PRTFDC1: variants seen among roughly 807,000 people sequenced by gnomAD.
PRTFDC1 encodes the protein phosphoribosyltransferase domain-containing protein 1.
In PRTFDC1, 38 loss-of-function variants were observed where a neutral mutation model predicts 34.6. The observed-to-expected ratio is 1.10, with a 90% confidence interval of 0.85 to 1.44. The LOEUF (loss-of-function observed/expected upper bound fraction) is 1.44, where lower values mean the gene tolerates loss of function less well. PRTFDC1 is among the 40% of genes most tolerant of loss of function. PRTFDC1 has a pLI of 0.00. For synonymous variants in PRTFDC1, 93 were observed against 98.1 expected (o/e 0.95, Z 0.31); for missense variants, 270 against 283.0 (o/e 0.95, Z 0.33).
rs116856216 is a variant in PRTFDC1, at chr10:24,858,428, A to T, written c.406-19T>A. 5,807 of 1,612,566 alleles carry T rather than the reference A, an allele frequency of 3.6e-3. 16 individuals are homozygous for T. The highest frequency in any genetic ancestry group is 4.7e-3 in the Non-Finnish European group (5,580 of 1,178,856). ...GAACATTCTGAAATAAACAAAACCC[A>T]TATTTTAGAATGTGATGCCAATCTG... is the stretch of plus-strand genomic sequence containing the variant. On this transcript the variant is annotated intron_variant, in intron 4 of 8. Transcript: ENST00000320152.
chr10:24,923,481 TGCAGCCTCC>T (rs1848821937), intron 3 of PRTFDC1, among the ~76,000 whole-genome samples: 1 of 152,344 alleles, frequency 6.6e-6, no homozygotes, highest in East Asian at 1.9e-4. Context: ...TTTGCTGTTC[TGCAGCCTCC>T]GCTGGTGATA....
intron 3 of PRTFDC1, among the ~76,000 whole-genome samples, chr10:24,932,301 T>C (rs994375978): frequency 6.6e-6 from 1 of 151,980 alleles, no homozygotes; most frequent in Admixed American, 6.5e-5. Flanking sequence ...AGGTCCTAAC[T>C]GGCATGATCA....
At chr10:24,857,565 C>T (rs1323763793) in intron 5 of PRTFDC1, among the ~76,000 whole-genome samples, 1 of 152,138 alleles carries the variant, frequency 6.6e-6, no homozygotes, top group Non-Finnish European at 1.5e-5. Flanking sequence ...GGAGAATGGG[C>T]AGCGGCGATT....
At position 24,918,802 on chromosome 10, in the gene PRTFDC1, A is replaced by T. The variant is rs1028815; in HGVS notation, c.339+18382T>A. 6.5e-4 allele frequency among the ~76,000 whole-genome samples: 99 copies of T among 152,294 alleles called. No individual in the cohort carries two copies. In the East Asian group the frequency reaches 0.018, roughly 28 times the overall value. ...AGGGACCTTACAGATCTTGAAATCC[A>T]ACCTCATCATTTTACAAATGAACAA... On this transcript the variant is annotated intron_variant, in intron 3 of 8. Coordinates refer to ENST00000320152, the MANE Select transcript of PRTFDC1 (RefSeq NM_020200.7).
intron 4 of PRTFDC1, among the ~76,000 whole-genome samples, chr10:24,863,662 C>A (rs1847723353): frequency 6.6e-6 from 1 of 152,096 alleles, no homozygotes; most frequent in African/African-American, 2.4e-5. Flanking sequence ...TGAAGATCCA[C>A]CATTCTAGAT....
At chr10:24,872,180 T>G in intron 3 of PRTFDC1, 117 bp from the exon 4 acceptor site, 1 of 821,968 alleles carries the variant, frequency 1.2e-6, no homozygotes, top group Non-Finnish European at 2.0e-6. Flanking sequence ...ATAGCACAAA[T>G]AGCTAATAGG....
chr10:24,884,975 G>T (rs933866116), intron 3 of PRTFDC1, among the ~76,000 whole-genome samples: 3 of 152,288 alleles, frequency 2.0e-5, no homozygotes, highest in Non-Finnish European at 4.4e-5. Context: ...GGTGCAGGAG[G>T]GTCCTGTCCC....
chr10:24,915,027 A>C (rs1848675887), intron 3 of PRTFDC1, among the ~76,000 whole-genome samples: 1 of 152,194 alleles, frequency 6.6e-6, no homozygotes, highest in Non-Finnish European at 1.5e-5. Flanking sequence ...ATCGAACCCT[A>C]AACCTCAGCC....
At chr10:24,901,226 G>A (rs564211302) in intron 3 of PRTFDC1, among the ~76,000 whole-genome samples, 24 of 152,224 alleles carry the variant, frequency 1.6e-4, no homozygotes, top group South Asian at 2.1e-4. Context: ...TGGCAGAGCA[G>A]GGTAACATCA....
At chr10:24,862,300 T>C (rs1847692489) in intron 4 of PRTFDC1, among the ~76,000 whole-genome samples, 1 of 152,206 alleles carries the variant, frequency 6.6e-6, no homozygotes. Flanking sequence ...ATCCAACCTA[T>C]ACCATGGATT....
chr10:24,932,681 C>T (rs1021528144), intron 3 of PRTFDC1, among the ~76,000 whole-genome samples: 4 of 151,902 alleles, frequency 2.6e-5, no homozygotes, highest in African/African-American at 9.7e-5. Flanking sequence ...GAATGGAAGA[C>T]TAAATAGTGT....
intron 4 of PRTFDC1, among the ~76,000 whole-genome samples, chr10:24,866,820 G>A (rs1847787616): frequency 6.6e-6 from 1 of 150,386 alleles, no homozygotes; most frequent in African/African-American, 2.5e-5. Context: ...GAAAAGAAGA[G>A]AGAGAAAGGA....
chr10:24,896,345 AAG>A (rs1377334130), intron 3 of PRTFDC1, among the ~76,000 whole-genome samples: 3 of 152,184 alleles, frequency 2.0e-5, no homozygotes, highest in Non-Finnish European at 4.4e-5. Flanking sequence ...TCTGAGGTGG[AAG>A]AGTTTCATCT....
chr10:24,858,148 CAG>C (rs1026424328), intron 5 of PRTFDC1, among the ~76,000 whole-genome samples: 6 of 152,162 alleles, frequency 3.9e-5, no homozygotes, highest in African/African-American at 1.4e-4. Flanking sequence ...AGAATCAACA[CAG>C]AGATATGTGG....
At position 24,908,845 on chromosome 10, in the gene PRTFDC1, AC is replaced by A. The variant is rs1038688172; in HGVS notation, c.339+28338del. 7 of 1,207,634 alleles carry A rather than the reference AC, an allele frequency of 5.8e-6. No homozygotes were observed. In the African/African-American group the frequency reaches 1.1e-4, roughly 18 times the overall value. 74.8% of individuals were successfully genotyped at this position (1,207,634 alleles called of 1,614,324 possible). ...CCAAATAGCCCATTTGATTCCAGCCACCTCAAGAAAACCAGAAGACCTCTGG... is the reference window on the plus strand; with the variant it reads ...CCAAATAGCCCATTTGATTCCAGCCACTCAAGAAAACCAGAAGACCTCTGG... On this transcript the variant is annotated intron_variant, in intron 3 of 8. Coordinates refer to ENST00000320152, the MANE Select transcript of PRTFDC1 (RefSeq NM_020200.7).
chr10:24,882,004 C>T (rs140946267), intron 3 of PRTFDC1, among the ~76,000 whole-genome samples: 38 of 151,988 alleles, frequency 2.5e-4, no homozygotes, highest in African/African-American at 8.4e-4. Context: ...GTCAGGAGTT[C>T]GAGACCAGCC....
chr10:24,870,886 A>T (rs1847857512), intron 4 of PRTFDC1, among the ~76,000 whole-genome samples: 1 of 152,084 alleles, frequency 6.6e-6, no homozygotes, highest in Admixed American at 6.6e-5. Flanking sequence ...CGCCTGGCCA[A>T]CATGGTGAAA....
At chr10:24,929,486 C>T (rs1365970522) in intron 3 of PRTFDC1, among the ~76,000 whole-genome samples, 1 of 152,142 alleles carries the variant, frequency 6.6e-6, no homozygotes, top group African/African-American at 2.4e-5. Context: ...ATTATTCATA[C>T]AAAGCAGGGC....
intron 3 of PRTFDC1, among the ~76,000 whole-genome samples, chr10:24,893,779 A>G (rs2148270): frequency 0.28 from 42,864 of 152,138 alleles, 6,223 homozygotes; most frequent in African/African-American, 0.33. Context: ...TCACTCAGTA[A>G]TTGGCAGAGC....
Sources: gnomAD v4.1 joint callset for allele counts (sites outside exome capture counted in the v4.1 genomes callset) on GRCh38, gnomAD v4.1.1 for gene constraint, MANE v1.5 for transcripts, NCBI Gene and HGNC (gene_info 2026-07-23, HGNC 2026-07-21) for gene names.